The following ZMAT4 variants were observed in gnomAD, a reference collection of about 807,000 sequenced individuals.
ZMAT4 encodes the protein zinc finger matrin-type protein 4.
In ZMAT4, 17 loss-of-function variants were observed where a neutral mutation model predicts 28.7. The observed-to-expected ratio is 0.59, with a 90% CI of 0.41 to 0.89. ZMAT4 has a LOEUF of 0.89. Ranked by LOEUF, ZMAT4 falls within the 40% of genes least tolerant of loss-of-function variation. The pLI is 0.00. For missense variants in ZMAT4, 240 were observed against 283.8 expected (o/e 0.85, Z 1.11); for synonymous variants, 117 against 109.2 (o/e 1.07, Z -0.44).
intron 3 of ZMAT4, among the ~76,000 whole-genome samples, chr8:40,717,139 G>A (rs1810891836): frequency 6.6e-6 from 1 of 152,144 alleles, no homozygotes; most frequent in East Asian, 1.9e-4. Flanking sequence ...TCCCAGTAGG[G>A]TGAAGTCATC....
At chr8:40,880,407 C>T (rs1016057314) in intron 1 of ZMAT4, among the ~76,000 whole-genome samples, 4 of 151,728 alleles carry the variant, frequency 2.6e-5, no homozygotes, top group Admixed American at 1.3e-4. Context: ...TAAAAAATCA[C>T]GCTTTCCAGA....
intron 4 of ZMAT4, among the ~76,000 whole-genome samples, chr8:40,687,443 G>A (rs1181810642): frequency 1.3e-5 from 2 of 152,112 alleles, no homozygotes; most frequent in Non-Finnish European, 2.9e-5. Context: ...ATTGGGTAAA[G>A]CATACCAGCC....
intron 5 of ZMAT4, among the ~76,000 whole-genome samples, chr8:40,600,772 GCACT>G (rs1007377600): frequency 6.6e-6 from 1 of 152,160 alleles, no homozygotes; most frequent in Non-Finnish European, 1.5e-5. Flanking sequence ...TCCAGGAGAA[GCACT>G]CATTTCCTCA....
chr8:40,822,344 G>T (rs1815860810), intron 2 of ZMAT4, among the ~76,000 whole-genome samples: 1 of 152,112 alleles, frequency 6.6e-6, no homozygotes, highest in African/African-American at 2.4e-5. Context: ...TCACTGATTT[G>T]CCCCATAAGG....
intron 5 of ZMAT4, among the ~76,000 whole-genome samples, chr8:40,634,919 C>A (rs1378133890): frequency 6.6e-6 from 1 of 152,344 alleles, no homozygotes; most frequent in African/African-American, 2.4e-5. Flanking sequence ...CCTTCAGCAC[C>A]TTGCACTTCA....
intron 5 of ZMAT4, among the ~76,000 whole-genome samples, chr8:40,630,465 C>G (rs949311316): frequency 6.6e-6 from 1 of 152,174 alleles, no homozygotes; most frequent in African/African-American, 2.4e-5. Flanking sequence ...CTTTACTTTC[C>G]TAAACTCACA....
At chr8:40,828,008 C>T (rs1025867015) in intron 1 of ZMAT4, among the ~76,000 whole-genome samples, 1 of 152,192 alleles carries the variant, frequency 6.6e-6, no homozygotes, top group African/African-American at 2.4e-5. Context: ...TCCTACCCAG[C>T]CTCATCATCT....
At chr8:40,587,940 G>A (rs1396499833) in intron 5 of ZMAT4, among the ~76,000 whole-genome samples, 1 of 151,960 alleles carries the variant, frequency 6.6e-6, no homozygotes, top group Non-Finnish European at 1.5e-5. Flanking sequence ...GTTCAAGAAA[G>A]TAGAAGTGTC....
At chr8:40,672,067 A>T (rs1041401236) in intron 5 of ZMAT4, among the ~76,000 whole-genome samples, 1 of 152,170 alleles carries the variant, frequency 6.6e-6, no homozygotes, top group African/African-American at 2.4e-5. Context: ...GATGCTAATA[A>T]TCTATAAAGT....
chr8:40,825,507 G>T, intron 2 of ZMAT4, 68 bp downstream of exon 2: 2 of 1,339,616 alleles, frequency 1.5e-6, no homozygotes, highest in African/African-American at 1.5e-5. Flanking sequence ...GGATCCTGGA[G>T]TCCTACAACA....
At chr8:40,696,824 T>C (rs565307869) in intron 4 of ZMAT4, among the ~76,000 whole-genome samples, 5 of 151,860 alleles carry the variant, frequency 3.3e-5, no homozygotes, top group Middle Eastern at 3.4e-3. Flanking sequence ...CCTGCCAAGG[T>C]AAAAAAAAGG....
intron 2 of ZMAT4, among the ~76,000 whole-genome samples, chr8:40,788,597 T>G (rs191452091): frequency 2.0e-5 from 3 of 152,022 alleles, no homozygotes; most frequent in Admixed American, 6.5e-5. Context: ...TAAAATCTTT[T>G]CACAAAGGAA....
chr8:40,889,493 C>A (rs1379170308), intron 1 of ZMAT4, among the ~76,000 whole-genome samples: 1 of 152,064 alleles, frequency 6.6e-6, no homozygotes, highest in East Asian at 1.9e-4. Context: ...ATTTGGATAG[C>A]ACAAAAAAGT....
At chr8:40,785,077 T>C (rs893562957) in intron 2 of ZMAT4, among the ~76,000 whole-genome samples, 2 of 152,230 alleles carry the variant, frequency 1.3e-5, no homozygotes, top group Non-Finnish European at 2.9e-5. Flanking sequence ...GCATTGCATA[T>C]TGATGCTTCT....
intron 6 of ZMAT4, among the ~76,000 whole-genome samples, chr8:40,545,619 T>C (rs1362194164): frequency 6.6e-6 from 1 of 152,070 alleles, no homozygotes; most frequent in African/African-American, 2.4e-5. Flanking sequence ...AAGAAAGCCA[T>C]GTGAAGACTG....
intron 2 of ZMAT4, among the ~76,000 whole-genome samples, chr8:40,820,443 TTG>T (rs1306181287): frequency 8.1e-6 from 1 of 122,910 alleles, no homozygotes; most frequent in Non-Finnish European, 1.7e-5. Flanking sequence ...ATGTGTGTAT[TTG>T]TGTGTGGGGT....
intron 6 of ZMAT4, among the ~76,000 whole-genome samples, chr8:40,543,842 T>C (rs1803115811): frequency 6.6e-6 from 1 of 152,198 alleles, no homozygotes; most frequent in African/African-American, 2.4e-5. Flanking sequence ...GGAACAACAT[T>C]AGCCAACCAA....
chr8:40,842,256 C>G (rs1816730510), intron 1 of ZMAT4, among the ~76,000 whole-genome samples: 1 of 152,198 alleles, frequency 6.6e-6, no homozygotes, highest in African/African-American at 2.4e-5. Context: ...CCTCCCATGG[C>G]CTCATCCACT....
At chr8:40,570,760 T>C (rs1271186850) in intron 6 of ZMAT4, among the ~76,000 whole-genome samples, 1 of 103,678 alleles carries the variant, frequency 9.6e-6, no homozygotes, top group Non-Finnish European at 2.1e-5. Flanking sequence ...AAAAACCTTG[T>C]GAAGTTTTTA....
Sources: allele counts gnomAD v4.1 joint callset (sites outside exome capture counted in the v4.1 genomes callset), GRCh38; gene constraint gnomAD v4.1.1; transcripts MANE v1.5; gene names NCBI Gene and HGNC (gene_info 2026-07-23, HGNC 2026-07-21).